Variants in AJAP1 observed in about 807,000 individuals in gnomAD.
AJAP1 encodes the protein adherens junction-associated protein 1.
AJAP1 carries 5 observed loss-of-function variants against 35.0 expected under a neutral mutation model. That is an observed-to-expected ratio of 0.14 (90% CI 0.07 to 0.30). The LOEUF is 0.30. Among genes scored for constraint, AJAP1 ranks in the 10% least tolerant of loss-of-function variants. AJAP1 has a pLI of 1.00. For missense variants in AJAP1, 586 were observed against 571.0 expected (o/e 1.03, Z -0.27); for synonymous variants, 284 against 249.3 (o/e 1.14, Z -1.31).
At chr1:4,680,614 G>C (rs1205127903) in intron 1 of AJAP1, among the ~76,000 whole-genome samples, 2 of 152,176 alleles carry the variant, frequency 1.3e-5, no homozygotes, top group Non-Finnish European at 2.9e-5. Context: ...CTCCATCCAG[G>C]CCACTGATGT....
At chr1:4,750,015 T>C (rs571649031) in intron 2 of AJAP1, among the ~76,000 whole-genome samples, 13 of 151,192 alleles carry the variant, frequency 8.6e-5, no homozygotes. Flanking sequence ...TGTTTGTGTG[T>C]CTGTGTGTGC....
At chr1:4,765,799 C>G (rs1376722371) in intron 2 of AJAP1, among the ~76,000 whole-genome samples, 12 of 152,142 alleles carry the variant, frequency 7.9e-5, no homozygotes, top group Admixed American at 7.9e-4. Flanking sequence ...CAAGGGAAAC[C>G]TTCATGCAAA....
intron 3 of AJAP1, among the ~76,000 whole-genome samples, chr1:4,770,908 G>C (rs534356625): frequency 1.3e-5 from 2 of 152,204 alleles, no homozygotes; most frequent in South Asian, 4.2e-4. Context: ...CTGGGACCCC[G>C]GGCGTTTTCT....
chr1:4,763,432 G>A (rs12119789), intron 2 of AJAP1, among the ~76,000 whole-genome samples: 66,810 of 152,044 alleles, frequency 0.44, 15,084 homozygotes, highest in African/African-American at 0.48. Flanking sequence ...TCATCTCCAC[G>A]TAGTGTTGGC....
intron 1 of AJAP1, among the ~76,000 whole-genome samples, chr1:4,682,774 G>A (rs1441229905): frequency 6.6e-6 from 1 of 152,108 alleles, no homozygotes; most frequent in Non-Finnish European, 1.5e-5. Context: ...TGATTATGAT[G>A]TTGGGGATGA....
chr1:4,744,892 G>A (rs1190568848), intron 2 of AJAP1, among the ~76,000 whole-genome samples: 1 of 152,118 alleles, frequency 6.6e-6, no homozygotes, highest in Non-Finnish European at 1.5e-5. Flanking sequence ...ACCCACCTGG[G>A]ACGCGGGGCT....
Position 4,774,430 on chromosome 1 carries a change from C to G in AJAP1, c.1167C>G (p.Pro389=). The change falls in exon 5 of 6, where the codon CCC becomes CCG. Residue 389 remains proline (P), a synonymous_variant. Coordinates refer to ENST00000378191, the MANE Select transcript of AJAP1 (RefSeq NM_018836.4). ...CCCATTTTTCTGTTCACCGCAGACC[C>G]TCCTCTTCTGATCGGCATCTTATTC... ...EYKSTFNGNR[P]SSSDRHLIPV... 6.2e-7 allele frequency: 1 copy of G among 1,614,210 alleles called. No homozygotes were observed. The highest frequency in any genetic ancestry group is 1.1e-5 in the South Asian group (1 of 91,080).
At chr1:4,735,881 G>A (rs1033627579) in intron 2 of AJAP1, among the ~76,000 whole-genome samples, 5 of 152,206 alleles carry the variant, frequency 3.3e-5, no homozygotes, top group South Asian at 2.1e-4. Context: ...CCTGGGGCCC[G>A]CCTCCTGAGG....
At chr1:4,696,386 G>A (rs1033054342) in intron 1 of AJAP1, among the ~76,000 whole-genome samples, 1 of 152,168 alleles carries the variant, frequency 6.6e-6, no homozygotes, top group African/African-American at 2.4e-5. Flanking sequence ...ATCTCATTAG[G>A]GGGAGTTGGA....
chr1:4,730,391 A>G (rs1380972730), intron 2 of AJAP1, among the ~76,000 whole-genome samples: 1 of 152,206 alleles, frequency 6.6e-6, no homozygotes, highest in Non-Finnish European at 1.5e-5. Context: ...GCCAGGCTGA[A>G]TCCGCAGCTC....
At chr1:4,709,123 G>A (rs1052596928) in intron 1 of AJAP1, among the ~76,000 whole-genome samples, 1 of 152,104 alleles carries the variant, frequency 6.6e-6, no homozygotes, top group Non-Finnish European at 1.5e-5. Context: ...GGGCTTAGGT[G>A]CTATGGTTTT....
intron 1 of AJAP1, among the ~76,000 whole-genome samples, chr1:4,710,617 G>A (rs573432753): frequency 2.6e-5 from 4 of 152,240 alleles, no homozygotes; most frequent in Middle Eastern, 3.2e-3. Context: ...GGCTTTGGGC[G>A]GCGTCAGGCT....
rs1028464681 is a variant in AJAP1 at position 4,712,553 on chromosome 1, C to G, written c.683C>G (p.Pro228Arg). ...ATTTTTTTATPMTLQTKGFTE... is the reference protein window; with the variant it reads ...ATTTTTTTATRMTLQTKGFTE... ...ACCACCACCACCACCACGGCCACCC[C>G]CATGACGCTGCAGACTAAGGGGTTC... Residue 228 changes from proline to arginine, a missense_variant, in exon 2 of 6, where the codon CCC becomes CGC. Pro to Arg is a moderately radical substitution (Grantham distance 103, BLOSUM62 -2). Coordinates refer to ENST00000378191, the MANE Select transcript of AJAP1 (RefSeq NM_018836.4). 6.2e-7 allele frequency: 1 copy of G among 1,612,566 alleles called. No homozygotes were observed. Among genetic ancestry groups the G allele is most frequent in the Admixed American group, 1.7e-5 (1 of 59,822 alleles).
intron 1 of AJAP1, among the ~76,000 whole-genome samples, chr1:4,657,735 G>T (rs1638912821): frequency 7.0e-6 from 1 of 142,196 alleles, no homozygotes; most frequent in South Asian, 2.2e-4. Context: ...GGGGTGGGGT[G>T]GGCTTTCTTA....
At position 4,789,550 on chromosome 1, in the gene AJAP1, A is replaced by G. The variant is rs1283908991; in HGVS notation, c.*7065A>G. 1.3e-5 allele frequency: 2 copies of G among 152,228 alleles called. No individual in the cohort carries two copies. The highest frequency in any genetic ancestry group is 1.3e-4 in the Admixed American group (2 of 15,288). 9.4% of individuals were successfully genotyped at this position (152,228 alleles called of 1,614,324 possible). On this transcript the variant is annotated 3_prime_UTR_variant, in exon 6 of 6. Transcript: ENST00000378191. This position sits in a 1 kb window ranked among gnomAD's most constrained non-coding sequence, Gnocchi z 4.4. ...ACCCAAATATTTGCAACACTAAATA[A>G]CAACTCCCTAAAGACTTCAGTCTTG...
At chr1:4,659,870 A>C (rs1237813745) in intron 1 of AJAP1, among the ~76,000 whole-genome samples, 1 of 152,230 alleles carries the variant, frequency 6.6e-6, no homozygotes, top group African/African-American at 2.4e-5. Flanking sequence ...TGCCAGGGCA[A>C]CACCCAGTAG....
At chr1:4,699,950 C>T (rs954699697) in intron 1 of AJAP1, among the ~76,000 whole-genome samples, 6 of 152,166 alleles carry the variant, frequency 3.9e-5, no homozygotes, top group South Asian at 2.1e-4. Context: ...TAGTATCCTA[C>T]GCCGTCTTTT....
Position 4,785,741 on chromosome 1 carries a change from G to A in AJAP1, c.*3256G>A, listed in dbSNP as rs1167058413. On this transcript the variant is annotated 3_prime_UTR_variant, in exon 6 of 6. Coordinates refer to ENST00000378191, the MANE Select transcript of AJAP1 (RefSeq NM_018836.4). ...TAGACACCTCCCATCCCCCACCCAA[G>A]GCCTGGTCCTTTCCTTTGCTTGAGC... 1 of 152,218 alleles carries A rather than the reference G, an allele frequency of 6.6e-6. No individual in the cohort carries two copies. Among genetic ancestry groups the A allele is most frequent in the East Asian group, 1.9e-4 (1 of 5,164 alleles). The allele number at this position is 152,218 out of a possible 1,614,324, so 9.4% of individuals were successfully genotyped here.
intron 2 of AJAP1, 148 bp from the exon 3 acceptor site, chr1:4,769,705 A>T (rs1468783564): frequency 1.4e-6 from 1 of 717,118 alleles, no homozygotes; most frequent in Admixed American, 1.9e-5. Context: ...AGAACTGAGC[A>T]CCTGTCATGC....
Sources: allele counts gnomAD v4.1 joint callset (sites outside exome capture counted in the v4.1 genomes callset), GRCh38; gene constraint gnomAD v4.1.1; non-coding constraint Gnocchi (gnomAD v3.1); transcripts MANE v1.5; gene names NCBI Gene and HGNC (gene_info 2026-07-23, HGNC 2026-07-21).